LAMB1: variants seen among roughly 807,000 people sequenced by gnomAD.
The protein encoded by LAMB1 is laminin subunit beta 1, also known as laminin subunit beta-1.
LAMB1 carries 121 observed loss-of-function variants against 222.3 expected under a neutral mutation model. The observed-to-expected ratio is 0.54, with a 90% CI of 0.47 to 0.63. LAMB1 has a LOEUF of 0.63. Among genes scored for constraint, LAMB1 ranks in the 30% least tolerant of loss-of-function variants. LAMB1 has a pLI of 0.00. For missense variants in LAMB1, 2,172 were observed against 2,240.8 expected, an observed-to-expected ratio of 0.97 and a Z score of 0.62; for synonymous variants, 794 against 807.2, an observed-to-expected ratio of 0.98 and a Z score of 0.28.
Position 107,923,885 on chromosome 7 carries a change from T to TTAAG in LAMB1, c.*62_*65dup. 1 of 1,398,534 alleles carries TTAAG rather than the reference T, an allele frequency of 7.2e-7. No individual in the cohort carries two copies. The highest frequency in any genetic ancestry group is 9.8e-7 in the Non-Finnish European group (1 of 1,017,132). 86.6% of individuals were successfully genotyped at this position (1,398,534 alleles called of 1,614,324 possible). On this transcript the variant is annotated 3_prime_UTR_variant, in exon 34 of 34. Coordinates refer to ENST00000222399, the MANE Select transcript of LAMB1 (RefSeq NM_002291.3). The stretch of plus-strand genomic sequence containing the variant: ...AGGTGATGTTTTATTTTGAAGAGCA[T>TTAAG]TAAGTCAGTTTTTAAAATGTAGTTG...
Position 107,940,120 on chromosome 7 carries a change from A to G in LAMB1, c.3630T>C (p.Ser1210=), listed in dbSNP as rs150227039. Residue 1210 remains serine, a synonymous_variant, in exon 25 of 34, where the codon AGT becomes AGC. Coordinates refer to ENST00000222399, the MANE Select transcript of LAMB1 (RefSeq NM_002291.3). ...FLEKAKALKI[S]GVIGPYRETV... ...TCTCACGGTAAGGCCCGATCACACC[A>G]CTGATCTTCAAGGCCTTGGCTTTCT... 2.1e-4 allele frequency: 342 copies of G among 1,613,758 alleles called. No homozygotes were observed. Among genetic ancestry groups the G allele is most frequent in the Admixed American group, 4.7e-4 (28 of 59,992 alleles).
chr7:107,955,873 C>T (rs1266731269), intron 20 of LAMB1, among the ~76,000 whole-genome samples: 3 of 151,210 alleles, frequency 2.0e-5, no homozygotes, highest in African/African-American at 7.3e-5. Context: ...GCTGGGACTA[C>T]AGGCACACAC....
chr7:107,933,530 C>T (rs753941924), intron 27 of LAMB1, among the ~76,000 whole-genome samples: 1 of 151,854 alleles, frequency 6.6e-6, no homozygotes, highest in African/African-American at 2.4e-5. Context: ...TGTAAAACCT[C>T]GGTTGCTTTC....
At chr7:107,986,505 CA>C (rs2034080147) in intron 5 of LAMB1, 142 bp from the exon 6 acceptor site, 2 of 657,884 alleles carry the variant, frequency 3.0e-6, no homozygotes, top group Non-Finnish European at 5.0e-6. Flanking sequence ...GGCTGGATTT[CA>C]AATAATTCAA....
At position 108,001,690 on chromosome 7, in the gene LAMB1, G is replaced by C; in HGVS notation, c.81C>G (p.Ser27Arg). 6.2e-7 allele frequency: 1 copy of C among 1,612,776 alleles called. No homozygotes were observed. The highest frequency in any genetic ancestry group is 8.5e-7 in the Non-Finnish European group (1 of 1,179,822). The part of the protein sequence containing the change: ...ARVRAQEPEF[S>R]YGCAEGSCYP... The stretch of plus-strand genomic sequence containing the variant: ...AGCAGCTGCCTTCTGCGCAGCCGTA[G>C]CTGAACTCGGGTTCCTGAGCGCGCA... Residue 27 changes from serine to arginine, a missense_variant, in exon 3 of 34, where the codon AGC becomes AGG. Physicochemically the swap from Ser to Arg is moderately radical, Grantham distance 110 (BLOSUM62 -1). Transcript: ENST00000222399.
intron 22 of LAMB1, 107 bp from the exon 23 acceptor site, chr7:107,952,330 T>C: frequency 2.5e-6 from 2 of 787,210 alleles, no homozygotes; most frequent in Non-Finnish European, 4.0e-6. Flanking sequence ...CATCTTGACC[T>C]TGAAATGCAA....
At chr7:107,967,640 C>T (rs1349552734) in intron 13 of LAMB1, among the ~76,000 whole-genome samples, 1 of 152,150 alleles carries the variant, frequency 6.6e-6, no homozygotes, top group Non-Finnish European at 1.5e-5. Context: ...GCCCTAGCAG[C>T]CTTGCTTCCC....
chr7:107,980,512 C>A, intron 8 of LAMB1, 97 bp downstream of exon 8: 1 of 987,598 alleles, frequency 1.0e-6, no homozygotes, highest in Non-Finnish European at 1.6e-6. Context: ...AAACTAAAAC[C>A]CCCAGAAAAT....
At chr7:107,979,963 C>T (rs2033941136) in intron 8 of LAMB1, among the ~76,000 whole-genome samples, 1 of 151,944 alleles carries the variant, frequency 6.6e-6, no homozygotes, top group Non-Finnish European at 1.5e-5. Flanking sequence ...ATCCCAGCTA[C>T]TTGGGAGGCT....
At chr7:107,983,971 C>T (rs1436728347) in intron 7 of LAMB1, among the ~76,000 whole-genome samples, 2 of 152,294 alleles carry the variant, frequency 1.3e-5, no homozygotes, top group African/African-American at 2.4e-5. Flanking sequence ...TATCACTTTA[C>T]GTAATAACAT....
chr7:107,974,628 A>C lies in LAMB1; in HGVS notation c.1482+358T>G, dbSNP rs562818983. 8.5e-5 allele frequency among the ~76,000 whole-genome samples: 13 copies of C among 152,366 alleles called. No homozygotes were observed. In the East Asian group the frequency reaches 2.5e-3, roughly 29 times the overall value. On this transcript the variant is annotated intron_variant, in intron 12 of 33. Coordinates refer to ENST00000222399, the MANE Select transcript of LAMB1 (RefSeq NM_002291.3). Reference sequence around the variant, plus strand: ...ATGCCCATTTCTACAAGCTACTGATATGTATCTCCAAAATGCTTTTCACAA... The same window carrying C: ...ATGCCCATTTCTACAAGCTACTGATCTGTATCTCCAAAATGCTTTTCACAA...
chr7:107,924,465 C>A, intron 32 of LAMB1, 76 bp from the exon 33 acceptor site: 1 of 1,130,260 alleles, frequency 8.8e-7, no homozygotes, highest in South Asian at 1.7e-5. Context: ...ATAGTGTAAT[C>A]ATGGCATGCA....
At chr7:107,961,784 T>G (rs1055559197) in intron 15 of LAMB1, 108 bp from the exon 16 acceptor site, 6 of 1,285,084 alleles carry the variant, frequency 4.7e-6, no homozygotes, top group Non-Finnish European at 6.5e-6. Context: ...AAACAAACAG[T>G]TGCTCTTCAC....
At chr7:107,964,457 A>AAAATGC in intron 14 of LAMB1, 95 bp downstream of exon 14, 3 of 1,449,700 alleles carry the variant, frequency 2.1e-6, no homozygotes, top group Non-Finnish European at 2.9e-6. Flanking sequence ...CAAAGCTATA[A>AAAATGC]AAATGCTTCT....
intron 22 of LAMB1, 36 bp downstream of exon 22, chr7:107,953,494 A>G (rs932430719): frequency 5.6e-6 from 8 of 1,436,048 alleles, no homozygotes; most frequent in Admixed American, 1.7e-5. Context: ...GGTGGAAGTC[A>G]TTCTAAGAAG....
chr7:107,968,480 TA>T (rs574345992), intron 13 of LAMB1, among the ~76,000 whole-genome samples: 10 of 152,174 alleles, frequency 6.6e-5, no homozygotes, highest in Non-Finnish European at 1.5e-4. Context: ...CAGATGTGAT[TA>T]AGGGTAAGGA....
At chr7:107,997,205 C>G (rs1037337589) in intron 4 of LAMB1, among the ~76,000 whole-genome samples, 1 of 152,102 alleles carries the variant, frequency 6.6e-6, no homozygotes. Context: ...GGGTGGATCA[C>G]GAGGTCAGGA....
chr7:107,947,444 A>G (rs2033141969), intron 24 of LAMB1, among the ~76,000 whole-genome samples: 1 of 152,204 alleles, frequency 6.6e-6, no homozygotes, highest in South Asian at 2.1e-4. Flanking sequence ...ATTTTGAATG[A>G]CACCTCTTCT....
chr7:107,971,417 G>A (rs186005823), intron 13 of LAMB1, among the ~76,000 whole-genome samples: 5 of 152,258 alleles, frequency 3.3e-5, no homozygotes, highest in African/African-American at 1.2e-4. Flanking sequence ...TTTCCCAAGC[G>A]GCATCTGTGC....
Sources: allele counts gnomAD v4.1 joint callset (sites outside exome capture counted in the v4.1 genomes callset), GRCh38; gene constraint gnomAD v4.1.1; transcripts MANE v1.5; gene names NCBI Gene and HGNC (gene_info 2026-07-23, HGNC 2026-07-21).